The following FMN1 variants were observed in gnomAD, a reference collection of about 807,000 sequenced individuals.
The protein encoded by FMN1 is formin-1.
A neutral mutation model predicts 132.4 loss-of-function variants in FMN1; 110 were observed. The observed-to-expected ratio is 0.83, with a 90% CI of 0.71 to 0.97. FMN1 has a LOEUF of 0.97. FMN1 is among the 50% of genes least tolerant of loss of function. The pLI, the probability that FMN1 is intolerant of heterozygous loss-of-function variation, is 0.00. For synonymous variants in FMN1, 722 were observed against 651.7 expected (o/e 1.11, Z -1.64); for missense variants, 1,792 against 1,705.3 (o/e 1.05, Z -0.90).
chr15:33,146,380 G>A (rs935376060), intron 4 of FMN1, among the ~76,000 whole-genome samples: 3 of 152,080 alleles, frequency 2.0e-5, no homozygotes, highest in Non-Finnish European at 1.5e-5. Context: ...TTCTCTCTTG[G>A]TACTTTTCCT....
At chr15:32,852,268 C>T (rs2059026181) in intron 17 of FMN1, among the ~76,000 whole-genome samples, 1 of 152,140 alleles carries the variant, frequency 6.6e-6, no homozygotes. Context: ...AAGGAGTTAC[C>T]CTATTCTCCT....
rs188787668 is a variant in FMN1 at position 32,824,510 on chromosome 15, C to A, written c.3929-20178G>T. ...TTCAACATTGGTCAATTATCTCACC[C>A]ATTCTGATCACTTGCTCTGTTCCCG... On this transcript the variant is annotated intron_variant, in intron 17 of 20. Coordinates refer to ENST00000616417, the MANE Select transcript of FMN1 (RefSeq NM_001277313.2). Among the ~76,000 whole-genome samples the A allele has an allele frequency of 2.6e-5, 4 of 152,270 alleles. No homozygotes were observed. The East Asian group carries it at 7.7e-4, about 29-fold the overall frequency.
intron 12 of FMN1, among the ~76,000 whole-genome samples, chr15:32,903,681 A>G (rs1441002885): frequency 6.6e-6 from 1 of 152,232 alleles, no homozygotes; most frequent in Non-Finnish European, 1.5e-5. Context: ...ACTTAGATGA[A>G]AAGCAGAAAA....
intron 15 of FMN1, among the ~76,000 whole-genome samples, chr15:32,896,875 G>A (rs75728929): frequency 0.02 from 3,027 of 152,188 alleles, 67 homozygotes; most frequent in East Asian, 0.11. Context: ...ATGAATATGA[G>A]AGGGAAAATG....
chr15:32,894,863 TTATC>T (rs1043879196), intron 15 of FMN1, among the ~76,000 whole-genome samples: 1 of 150,188 alleles, frequency 6.7e-6, no homozygotes, highest in African/African-American at 2.4e-5. Context: ...GTATTTATAT[TTATC>T]TACTACATAT....
In FMN1 at chr15:33,155,119, G is replaced by A. The variant is rs115347060; in HGVS notation, c.-131-74C>T. The stretch of plus-strand genomic sequence containing the variant: ...AATCACACACCAACATAAAATCAAA[G>A]CATAACCATGACTTATCCTTCCTCT... On this transcript the variant is annotated intron_variant, in intron 3 of 20. Transcript: ENST00000616417. 23,513 of 525,568 alleles carry A rather than the reference G, an allele frequency of 0.045. 638 individuals are homozygous for A. Among genetic ancestry groups the A allele is most frequent in the Non-Finnish European group, 0.058 (17,151 of 295,464 alleles). The allele number at this position is 525,568 out of a possible 1,614,324, so 32.6% of individuals were successfully genotyped here.
At chr15:33,041,253 A>C (rs1397036571) in intron 6 of FMN1, among the ~76,000 whole-genome samples, 1 of 152,088 alleles carries the variant, frequency 6.6e-6, no homozygotes, top group African/African-American at 2.4e-5. Context: ...TCTATGATAG[A>C]AGAGTATTAA....
intron 6 of FMN1, among the ~76,000 whole-genome samples, chr15:33,023,062 AAAAAAAAAAAAAAAAG>A (rs1411170782): frequency 3.8e-5 from 2 of 52,484 alleles, no homozygotes; most frequent in African/African-American, 1.1e-4. Context: ...CCCCACCCAA[AAAAAAAAAAAAAAAAG>A]AAAAAAAAGA....
At position 32,771,483 on chromosome 15, in the gene FMN1, TC is replaced by T; in HGVS notation, c.*2826del. The T allele has an allele frequency of 6.6e-6, 1 of 152,360 alleles. No homozygotes were observed. Among genetic ancestry groups the T allele is most frequent in the Non-Finnish European group, 1.5e-5 (1 of 68,028 alleles). 9.4% of individuals were successfully genotyped at this position (152,360 alleles called of 1,614,324 possible). On this transcript the variant is annotated 3_prime_UTR_variant, in exon 21 of 21. Coordinates refer to ENST00000616417, the MANE Select transcript of FMN1 (RefSeq NM_001277313.2). ...TGTGTGCTCTGATGCTGTCAATTGC[TC>T]ATGCAAGAATCTGAACTACTGTCAA...
intron 17 of FMN1, among the ~76,000 whole-genome samples, chr15:32,834,219 T>C (rs1259565586): frequency 1.3e-5 from 2 of 152,230 alleles, no homozygotes; most frequent in East Asian, 1.9e-4. Context: ...TATATTTCTG[T>C]TAATATCAAC....
intron 4 of FMN1, among the ~76,000 whole-genome samples, chr15:33,149,241 T>G (rs1470089266): frequency 6.6e-6 from 1 of 152,168 alleles, no homozygotes; most frequent in Non-Finnish European, 1.5e-5. Flanking sequence ...CTCCATGATA[T>G]TCGAACCTGT....
At position 32,968,960 on chromosome 15, in the gene FMN1, G is replaced by T; in HGVS notation, c.2741C>A (p.Pro914His). 2 of 922,728 alleles carry T rather than the reference G, an allele frequency of 2.2e-6. No individual in the cohort carries two copies. The highest frequency in any genetic ancestry group is 3.3e-6 in the Non-Finnish European group (2 of 603,410). The allele number at this position is 922,728 out of a possible 1,614,324, so 57.2% of individuals were successfully genotyped here. ...PPPPPPPPPL[P>H]PPSSAGPPPP... is the part of the protein sequence containing the mutation. Reference sequence around the variant, plus strand: ...TGGAGGTCCAGCACTTGAAGGTGGAGGTAGAGGTGGCGGTGGAGGAGGCGG... The same window carrying T: ...TGGAGGTCCAGCACTTGAAGGTGGATGTAGAGGTGGCGGTGGAGGAGGCGG... The change falls in exon 8 of 21, where the codon CCT becomes CAT. Residue 914 changes from proline (P) to histidine (H), a missense_variant. Physicochemically the swap from Pro to His is moderately conservative, Grantham distance 77. This residue lies in a region of FMN1 where 1,150 missense variants were observed against 1,043.1 expected (regional missense o/e 1.10). Coordinates refer to ENST00000616417, the MANE Select transcript of FMN1 (RefSeq NM_001277313.2).
rs897911787 is a variant in FMN1 at position 33,154,139 on chromosome 15, T to A, written c.776A>T (p.Asp259Val). ...GFGSFETAFK[D>V]TGLGREVLPP... Reference sequence around the variant, plus strand: ...CAGCACTTCTCTTCCAAGCCCAGTGTCCTTGAAAGCCGTCTCAAAGCTCCC... The same window carrying A: ...CAGCACTTCTCTTCCAAGCCCAGTGACCTTGAAAGCCGTCTCAAAGCTCCC... The change falls in exon 4 of 21, where the codon GAC (aspartate) becomes GTC (valine). Residue 259 changes from aspartate (D) to valine (V), a missense_variant. Physicochemically the swap from Asp to Val is radical, Grantham distance 152. Transcript: ENST00000616417. The A allele has an allele frequency of 2.1e-5, 33 of 1,536,180 alleles. No homozygotes were observed. Among genetic ancestry groups the A allele is most frequent in the Admixed American group, 3.9e-5 (2 of 50,968 alleles).
chr15:33,050,021 C>T (rs574005776), intron 6 of FMN1, among the ~76,000 whole-genome samples: 9 of 152,174 alleles, frequency 5.9e-5, no homozygotes, highest in Non-Finnish European at 1.0e-4. Flanking sequence ...ACTTCTGGTA[C>T]AGTATTCAAC....
chr15:32,889,148 A>G (rs1191446129), intron 15 of FMN1, among the ~76,000 whole-genome samples: 1 of 152,102 alleles, frequency 6.6e-6, no homozygotes, highest in African/African-American at 2.4e-5. Flanking sequence ...AGCTTTTGCA[A>G]ATGTTGTCTG....
intron 13 of FMN1, among the ~76,000 whole-genome samples, chr15:32,901,055 G>A (rs188560714): frequency 1.3e-5 from 2 of 152,076 alleles, no homozygotes; most frequent in East Asian, 1.9e-4. Context: ...CTGGGAGGCT[G>A]AGGCAGGAGA....
At chr15:32,855,655 A>G (rs2059114744) in intron 17 of FMN1, among the ~76,000 whole-genome samples, 1 of 152,198 alleles carries the variant, frequency 6.6e-6, no homozygotes, top group South Asian at 2.1e-4. Context: ...ACATGGCAAA[A>G]TTTTCTAGAA....
intron 7 of FMN1, among the ~76,000 whole-genome samples, chr15:33,007,647 T>C (rs963076885): frequency 1.7e-4 from 26 of 152,010 alleles, no homozygotes; most frequent in African/African-American, 6.3e-4. Context: ...CATACAGACA[T>C]GAACACCCGA....
At chr15:33,066,075 A>G (rs1177428945) in intron 5 of FMN1, among the ~76,000 whole-genome samples, 2 of 152,192 alleles carry the variant, frequency 1.3e-5, no homozygotes, top group African/African-American at 2.4e-5. Flanking sequence ...GGAACACTCT[A>G]ATCACACCAC....
Sources: gnomAD v4.1 joint callset for allele counts (sites outside exome capture counted in the v4.1 genomes callset) on GRCh38, gnomAD v4.1.1 for gene constraint, gnomAD v4.1.1 regional missense constraint, MANE v1.5 for transcripts, NCBI Gene and HGNC (gene_info 2026-07-23, HGNC 2026-07-21) for gene names.